C4orf50: variants seen among roughly 807,000 people sequenced by gnomAD.
C4orf50 encodes the protein chromosome 4 open reading frame 50.
A neutral mutation model predicts 77.2 loss-of-function variants in C4orf50; 80 were observed. That is an observed-to-expected ratio of 1.04 (90% CI 0.87 to 1.25). C4orf50 has a LOEUF of 1.25. Among genes scored for constraint, C4orf50 ranks in the 50% most tolerant of loss-of-function variants. The pLI, the probability that C4orf50 is intolerant of heterozygous loss-of-function variation, is 0.00. For synonymous variants in C4orf50, 532 were observed against 465.3 expected, an observed-to-expected ratio of 1.14 and a Z score of -1.84; for missense variants, 1,257 against 1,152.9, an observed-to-expected ratio of 1.09 and a Z score of -1.31.
rs1434448086 is a variant in C4orf50, at chr4:6,008,397, G to A, written c.562C>T (p.Leu188=). The A allele has an allele frequency of 2.5e-6, 1 of 394,066 alleles. No individual in the cohort carries two copies. The highest frequency in any genetic ancestry group is 2.1e-5 in the African/African-American group (1 of 48,422). 24.4% of individuals were successfully genotyped at this position (394,066 alleles called of 1,614,324 possible). ...CGCTCCTGCTCCCGCACCAGGCCCAGCTGGCGCCGCTGGGTCCGCCGGCAG... is the reference window on the plus strand; with the variant it reads ...CGCTCCTGCTCCCGCACCAGGCCCAACTGGCGCCGCTGGGTCCGCCGGCAG... Residue 188 remains leucine, a synonymous_variant, in exon 25 of 34, where the codon CTG becomes TTG. Transcript: ENST00000531445. The surrounding 1 kb of genome is among the most constrained non-coding windows in gnomAD (Gnocchi z 6.0).
chr4:5,986,790 G>T (rs1446336027), intron 28 of C4orf50, among the ~76,000 whole-genome samples: 1 of 151,990 alleles, frequency 6.6e-6, no homozygotes, highest in East Asian at 1.9e-4. Context: ...GCCCTCCTTG[G>T]CCTCTCAAAG....
intron 24 of C4orf50, among the ~76,000 whole-genome samples, chr4:6,010,449 T>A (rs929328539): frequency 3.3e-5 from 5 of 152,268 alleles, no homozygotes; most frequent in Non-Finnish European, 7.3e-5. Flanking sequence ...CCAGCTTTTC[T>A]GAGTTTCCCA....
chr4:6,002,716 T>A (rs1246097445), intron 25 of C4orf50, among the ~76,000 whole-genome samples: 1 of 152,162 alleles, frequency 6.6e-6, no homozygotes, highest in Non-Finnish European at 1.5e-5. Flanking sequence ...GCCATCCTCA[T>A]GTCCTTGGAG....
exon 28 of C4orf50, chr4:5,988,843 T>C: frequency 6.5e-7 from 1 of 1,536,092 alleles, no homozygotes; most frequent in Non-Finnish European, 8.7e-7. Context: ...TATCAGCTCT[T>C]TATAACTGAC....
chr4:5,932,053 G>A lies in C4orf50; in HGVS notation c.*2474+24848C>T, dbSNP rs1263669081. ...GCTAAGCTCTTCCCAACGCCCCCCC[G>A]CCCCCCACCCCTGCCAACTGTCTCT... On this transcript the variant is annotated intron_variant, in intron 7 of 7. Coordinates refer to the C4orf50 transcript ENST00000324058. This position sits in a 1 kb window ranked among gnomAD's most constrained non-coding sequence, Gnocchi z 4.2. Among the ~76,000 whole-genome samples the A allele has an allele frequency of 8.6e-5, 5 of 58,010 alleles. No individual in the cohort carries two copies. The highest frequency in any genetic ancestry group is 2.3e-4 in the African/African-American group (3 of 13,064). The allele number at this position is 58,010 out of a possible 152,430, so 38.1% of individuals were successfully genotyped here.
intron 7 of C4orf50, chr4:5,898,956 C>G (rs1448835367): frequency 6.6e-6 from 1 of 152,202 alleles, no homozygotes; most frequent in Non-Finnish European, 1.5e-5. Flanking sequence ...TGTATAGGAG[C>G]TGTGCTTTCT....
intron 7 of C4orf50, among the ~76,000 whole-genome samples, chr4:5,929,931 C>T (rs1717691034): frequency 6.6e-6 from 1 of 152,188 alleles, no homozygotes; most frequent in South Asian, 2.1e-4. Context: ...TTTTATTGGG[C>T]TCTACTAGAG....
chr4:5,973,735 T>C (rs145899699), exon 31 of C4orf50: 1 of 1,613,850 alleles, frequency 6.2e-7, no homozygotes, highest in African/African-American at 1.3e-5. Context: ...CTGCGCCAGC[T>C]CGGAGAGCAG....
rs1169012200 is a variant in C4orf50, at chr4:6,008,189, G to A, written c.770C>T (p.Ala257Val). 2 of 398,040 alleles carry A rather than the reference G, an allele frequency of 5.0e-6. No individual in the cohort carries two copies. Among genetic ancestry groups the A allele is most frequent in the East Asian group, 7.1e-5 (2 of 28,068 alleles). The allele number at this position is 398,040 out of a possible 1,614,324, so 24.7% of individuals were successfully genotyped here. The change falls in exon 25 of 34, where the codon GCG becomes GTG. Residue 257 changes from alanine to valine, a missense_variant. Transcript: ENST00000531445. The surrounding 1 kb of genome is among the most constrained non-coding windows in gnomAD (Gnocchi z 6.0). Reference sequence around the variant, plus strand: ...CCGGTGCTCCTGCAGGCTGCGCGCCGCCTCTTCCCGCTCGCGCTCGCTGCG... The same window carrying A: ...CCGGTGCTCCTGCAGGCTGCGCGCCACCTCTTCCCGCTCGCGCTCGCTGCG...
chr4:5,938,999 T>C (rs533007397), intron 7 of C4orf50, among the ~76,000 whole-genome samples: 181 of 152,282 alleles, frequency 1.2e-3, no homozygotes, highest in Non-Finnish European at 2.1e-3. Flanking sequence ...CCCAGCACTT[T>C]GGGAGGCCAA....
chr4:5,967,442 G>T (rs1180855402), exon 32 of C4orf50: 4 of 1,613,922 alleles, frequency 2.5e-6, no homozygotes, highest in Non-Finnish European at 3.4e-6. Context: ...TCTCAGACTT[G>T]ACGTCCAGGT....
rs73065540 is a variant in C4orf50 at position 5,901,464 on chromosome 4, A to C, written c.*2475-3276T>G. 416 of 152,300 alleles carry C rather than the reference A, an allele frequency of 2.7e-3. 3 individuals are homozygous for C. The highest frequency in any genetic ancestry group is 9.7e-3 in the African/African-American group (403 of 41,556). The allele number at this position is 152,300 out of a possible 1,614,324, so 9.4% of individuals were successfully genotyped here. Reference sequence around the variant, plus strand: ...GCAGAACCCAGATTGCAGCCTAGCTATTCTGGTCTTAAACCCTAACCTGTT... The same window carrying C: ...GCAGAACCCAGATTGCAGCCTAGCTCTTCTGGTCTTAAACCCTAACCTGTT... On this transcript the variant is annotated intron_variant, in intron 7 of 7. Coordinates refer to the C4orf50 transcript ENST00000324058. The surrounding 1 kb of genome is among the most constrained non-coding windows in gnomAD (Gnocchi z 4.4).
At chr4:5,923,459 G>A (rs4348041) in intron 7 of C4orf50, 112,356 of 152,446 alleles carry the variant, frequency 0.74, 41,523 homozygotes, top group East Asian at 0.84. Flanking sequence ...CTTTTGTGGC[G>A]GGGGCGGCTG....
rs1721232697 is a variant in C4orf50, at chr4:5,990,701, CT to C, written c.1344del (p.Ala449GlnfsTer89). The C allele has an allele frequency of 5.0e-6, 2 of 399,124 alleles. No homozygotes were observed. The highest frequency in any genetic ancestry group is 7.1e-5 in the East Asian group (2 of 28,062). 24.7% of individuals were successfully genotyped at this position (399,124 alleles called of 1,614,324 possible). On this transcript the variant is annotated frameshift_variant, in exon 28 of 34. Coordinates refer to ENST00000531445, the Ensembl canonical transcript of C4orf50. LOFTEE classifies it high-confidence loss of function. ...AAGGCTTCTGCAGCTGGGTCAGCTG[CT>C]AGATTCTCTGAAATCCAGGCCAGGT...
In C4orf50 at chr4:5,900,387, A is replaced by C. The variant is rs1716294527; in HGVS notation, c.*2475-2199T>G. 1 of 152,116 alleles carries C rather than the reference A, an allele frequency of 6.6e-6. No homozygotes were observed. Among genetic ancestry groups the C allele is most frequent in the Non-Finnish European group, 1.5e-5 (1 of 68,012 alleles). 9.4% of individuals were successfully genotyped at this position (152,116 alleles called of 1,614,324 possible). A position where few individuals can be genotyped will look rare whatever the true frequency, so the allele number is the denominator to read the frequency against. On this transcript the variant is annotated intron_variant, in intron 7 of 7. Transcript: ENST00000324058. The surrounding 1 kb of genome is among the most constrained non-coding windows in gnomAD (Gnocchi z 4.3). ...TTGATTTCACACCGAGAAACTAGGT[A>C]AGGAAGGCTACGGAAGGGTGGATTT...
At chr4:5,899,772 A>G (rs1356594526) in intron 7 of C4orf50, 1 of 152,228 alleles carries the variant, frequency 6.6e-6, no homozygotes, top group East Asian at 1.9e-4. Context: ...CTTTTCAAAT[A>G]GATCTCTGCC....
chr4:5,902,452 T>A (rs571059566), intron 7 of C4orf50: 1 of 152,206 alleles, frequency 6.6e-6, no homozygotes, highest in East Asian at 1.9e-4. Context: ...GTTGTTCCCA[T>A]GATGTTACAT....
At chr4:6,004,757 GGTGATGACA>G (rs1722176277) in intron 25 of C4orf50, among the ~76,000 whole-genome samples, 1 of 150,602 alleles carries the variant, frequency 6.6e-6, no homozygotes, top group African/African-American at 2.4e-5. Context: ...TGATGGTGAT[GGTGATGACA>G]GTGATGACGG....
chr4:5,970,325 C>T lies in C4orf50; in HGVS notation c.4105-2863G>A, dbSNP rs958493554. On this transcript the variant is annotated intron_variant, in intron 31 of 33. Coordinates refer to ENST00000531445, the Ensembl canonical transcript of C4orf50. This position sits in a 1 kb window ranked among gnomAD's most constrained non-coding sequence, Gnocchi z 4.3. ...AACAGCCTTCCCTGAGGGACCATCT[C>T]CAGCTAACATCAGGGAGGCGGCAAG... 6.6e-6 allele frequency among the ~76,000 whole-genome samples: 1 copy of T among 152,110 alleles called. No homozygotes were observed. The highest frequency in any genetic ancestry group is 1.5e-5 in the Non-Finnish European group (1 of 68,014).
Sources: gnomAD v4.1 joint callset for allele counts (sites outside exome capture counted in the v4.1 genomes callset) on GRCh38, gnomAD v4.1.1 for gene constraint, Gnocchi (gnomAD v3.1) non-coding constraint, MANE v1.5 for transcripts, NCBI Gene and HGNC (gene_info 2026-07-23, HGNC 2026-07-21) for gene names.